HTR2A: variants seen among roughly 807,000 people sequenced by gnomAD.
The protein encoded by HTR2A is 5-hydroxytryptamine receptor 2A.
HTR2A carries 14 observed loss-of-function variants against 31.0 expected under a neutral mutation model. That is an observed-to-expected ratio of 0.45 (90% CI 0.30 to 0.71). The LOEUF is 0.71. HTR2A is among the 30% of genes least tolerant of loss of function. The probability of loss-of-function intolerance (pLI) is 0.09; values close to 1 mark genes in which losing one functional copy is unlikely to be tolerated. For synonymous variants in HTR2A, 209 were observed against 225.2 expected (o/e 0.93, Z 0.64); for missense variants, 442 against 573.3 (o/e 0.77, Z 2.34).
In HTR2A at chr13:46,896,000, A is replaced by G; in HGVS notation, c.-94T>C. 8 of 1,499,764 alleles carry G rather than the reference A, an allele frequency of 5.3e-6. No individual in the cohort carries two copies. Among genetic ancestry groups the G allele is most frequent in the Non-Finnish European group, 7.1e-6 (8 of 1,132,656 alleles). 92.9% of individuals were successfully genotyped at this position (1,499,764 alleles called of 1,614,324 possible). ...CACCTTGATGTACCCACACTCTGTA[A>G]CACTGAGGCTGGTGTACATGCTGTT... is the stretch of plus-strand genomic sequence containing the variant. On this transcript the variant is annotated 5_prime_UTR_variant, in exon 2 of 4. Transcript: ENST00000542664. The surrounding 1 kb of genome is among the most constrained non-coding windows in gnomAD (Gnocchi z 4.4).
intron 3 of HTR2A, among the ~76,000 whole-genome samples, chr13:46,852,756 T>C (rs1435161119): frequency 6.6e-6 from 1 of 152,258 alleles, no homozygotes. Flanking sequence ...ATGGGTGTAA[T>C]GAACTTTTGT....
In HTR2A at chr13:46,869,331, T is replaced by C. The variant is rs555108540; in HGVS notation, c.613+23059A>G. Reference sequence around the variant, plus strand: ...ACAAATGACCAATAAACATATGAAATGATCAACGTCAGTAGTCATTAGGGA... The same window carrying C: ...ACAAATGACCAATAAACATATGAAACGATCAACGTCAGTAGTCATTAGGGA... On this transcript the variant is annotated intron_variant, in intron 3 of 3. Transcript: ENST00000542664. Among the ~76,000 whole-genome samples, 45 of 152,262 alleles carry C rather than the reference T, an allele frequency of 3.0e-4. No homozygotes were observed. In the Middle Eastern group the frequency reaches 0.014, roughly 46 times the overall value.
At chr13:46,859,183 T>C (rs745585704) in intron 3 of HTR2A, among the ~76,000 whole-genome samples, 4 of 152,148 alleles carry the variant, frequency 2.6e-5, no homozygotes, top group Non-Finnish European at 5.9e-5. Flanking sequence ...ATATCTAAAA[T>C]CTTGTGTTGA....
At chr13:46,878,629 G>GGAGA (rs1950934579) in intron 3 of HTR2A, among the ~76,000 whole-genome samples, 1 of 152,170 alleles carries the variant, frequency 6.6e-6, no homozygotes, top group Non-Finnish European at 1.5e-5. Context: ...TTAAGGAAGA[G>GGAGA]GAGAAAAGGA....
At chr13:46,892,322 G>T in intron 3 of HTR2A, 68 bp downstream of exon 3, 1 of 1,456,482 alleles carries the variant, frequency 6.9e-7, no homozygotes, top group East Asian at 2.3e-5. Flanking sequence ...ACAACAAAAT[G>T]GAACAAGTCT....
At chr13:46,843,833 G>T (rs141167783) in intron 3 of HTR2A, among the ~76,000 whole-genome samples, 1 of 152,242 alleles carries the variant, frequency 6.6e-6, no homozygotes, top group African/African-American at 2.4e-5. Flanking sequence ...GGGGAATGAG[G>T]CAACCTGTCT....
chr13:46,893,206 A>T lies in HTR2A; in HGVS notation c.413-616T>A, dbSNP rs546767612. On this transcript the variant is annotated intron_variant, in intron 2 of 3. Transcript: ENST00000542664. The stretch of plus-strand genomic sequence containing the variant: ...GGGGTATGTGTAGGGAGAGCTGAAG[A>T]CAAGGGTGAAGAAAAATAAAGAAAG... 9.2e-5 allele frequency among the ~76,000 whole-genome samples: 14 copies of T among 152,304 alleles called. No homozygotes were observed. In the South Asian group the frequency reaches 2.7e-3, roughly 29 times the overall value.
chr13:46,860,421 C>T (rs1302018033), intron 3 of HTR2A, among the ~76,000 whole-genome samples: 1 of 152,064 alleles, frequency 6.6e-6, no homozygotes, highest in Non-Finnish European at 1.5e-5. Context: ...TCTGTGTGAA[C>T]GTGTTTGTGT....
chr13:46,836,632 A>C (rs1282168265), intron 3 of HTR2A, among the ~76,000 whole-genome samples: 1 of 152,220 alleles, frequency 6.6e-6, no homozygotes, highest in Non-Finnish European at 1.5e-5. Flanking sequence ...AACCCAGTAC[A>C]GTGAACTCGT....
rs922489864 is a variant in HTR2A, at chr13:46,891,969, A to G, written c.613+421T>C. On this transcript the variant is annotated intron_variant, in intron 3 of 3. Transcript: ENST00000542664. ...CCACCTTTTCCCTCCAAGCTACAGCACATGGTACCTTTCTCTAGAGCCCAG... is the reference window on the plus strand; with the variant it reads ...CCACCTTTTCCCTCCAAGCTACAGCGCATGGTACCTTTCTCTAGAGCCCAG... Among the ~76,000 whole-genome samples the G allele has an allele frequency of 5.3e-5, 8 of 152,342 alleles. No homozygotes were observed. The East Asian group carries it at 1.5e-3, about 29-fold the overall frequency.
intron 3 of HTR2A, among the ~76,000 whole-genome samples, chr13:46,864,533 G>A (rs7326071): frequency 0.049 from 7,403 of 152,240 alleles, 198 homozygotes; most frequent in Middle Eastern, 0.078. Context: ...TCTCTCTGAC[G>A]TAAAGGAGAC....
intron 3 of HTR2A, among the ~76,000 whole-genome samples, chr13:46,837,098 G>A (rs1329484235): frequency 1.3e-5 from 2 of 152,142 alleles, no homozygotes; most frequent in Admixed American, 1.3e-4. Context: ...CTCAGGTACA[G>A]GGATTAGGCA....
At chr13:46,848,543 G>A (rs979768549) in intron 3 of HTR2A, among the ~76,000 whole-genome samples, 2 of 152,166 alleles carry the variant, frequency 1.3e-5, no homozygotes, top group Admixed American at 6.5e-5. Context: ...CACTATGTAG[G>A]TCTTCACAGA....
intron 3 of HTR2A, among the ~76,000 whole-genome samples, chr13:46,845,458 C>A (rs1429178302): frequency 6.6e-6 from 1 of 152,044 alleles, no homozygotes; most frequent in African/African-American, 2.4e-5. Context: ...TATCACTTAC[C>A]AGAAGCATTG....
chr13:46,858,474 C>T (rs1950755966), intron 3 of HTR2A, among the ~76,000 whole-genome samples: 1 of 151,994 alleles, frequency 6.6e-6, no homozygotes, highest in African/African-American at 2.4e-5. Flanking sequence ...GGGAATAATT[C>T]TTGATGGGTT....
intron 3 of HTR2A, among the ~76,000 whole-genome samples, chr13:46,851,570 G>C (rs1370419771): frequency 1.3e-5 from 2 of 152,206 alleles, no homozygotes; most frequent in African/African-American, 4.8e-5. Flanking sequence ...CTGAAAAATT[G>C]CTTCAGTTTT....
intron 3 of HTR2A, among the ~76,000 whole-genome samples, chr13:46,866,987 C>T (rs1427826979): frequency 2.0e-5 from 3 of 152,156 alleles, no homozygotes; most frequent in Non-Finnish European, 2.9e-5. Context: ...GATTGCGCCA[C>T]TGCACTCCAG....
intron 3 of HTR2A, among the ~76,000 whole-genome samples, chr13:46,888,490 G>A (rs1951027190): frequency 6.7e-6 from 1 of 149,684 alleles, no homozygotes; most frequent in African/African-American, 2.5e-5. Context: ...AAAGATGACT[G>A]TCAACCTAGA....
intron 3 of HTR2A, among the ~76,000 whole-genome samples, chr13:46,880,337 G>A (rs2138239061): frequency 6.6e-6 from 1 of 152,284 alleles, no homozygotes; most frequent in South Asian, 2.1e-4. Context: ...GAGAGTGGAA[G>A]CCTCAAGAGC....
Sources: gnomAD v4.1 joint callset for allele counts (sites outside exome capture counted in the v4.1 genomes callset) on GRCh38, gnomAD v4.1.1 for gene constraint, Gnocchi (gnomAD v3.1) non-coding constraint, MANE v1.5 for transcripts, NCBI Gene and HGNC (gene_info 2026-07-23, HGNC 2026-07-21) for gene names.